Variants in CLIC5 observed in about 807,000 individuals in gnomAD.
CLIC5 encodes the protein chloride intracellular channel protein 5.
Under a neutral mutation model 24.7 loss-of-function variants are expected in CLIC5, and 20 were observed. The ratio of observed to expected loss-of-function variants is 0.81; its 90% CI spans 0.57 to 1.18. CLIC5 has a LOEUF of 1.18. CLIC5 is among the 50% of genes most tolerant of loss of function. The pLI is 0.00. For missense variants in CLIC5, 341 were observed against 326.1 expected (o/e 1.05, Z -0.35); for synonymous variants, 159 against 135.6 (o/e 1.17, Z -1.20).
At chr6:45,931,302 C>T (rs1342908740) in intron 4 of CLIC5, among the ~76,000 whole-genome samples, 5 of 152,166 alleles carry the variant, frequency 3.3e-5, no homozygotes, top group Non-Finnish European at 5.9e-5. Flanking sequence ...CTACCTGTTT[C>T]CAGGCAAGAG....
chr6:45,969,490 C>T (rs1000384496), intron 1 of CLIC5, among the ~76,000 whole-genome samples: 7 of 118,558 alleles, frequency 5.9e-5, no homozygotes, highest in African/African-American at 2.3e-4. Context: ...CAGACTAGGG[C>T]AGTTGAGATC....
intron 6 of CLIC5, among the ~76,000 whole-genome samples, chr6:45,884,512 C>T (rs12214996): frequency 0.36 from 54,312 of 152,032 alleles, 10,263 homozygotes; most frequent in Admixed American, 0.45. Context: ...GGGCAGCCCC[C>T]GCAGCCTCAC....
At chr6:46,053,397 A>G (rs1768158518) in intron 1 of CLIC5, among the ~76,000 whole-genome samples, 1 of 152,252 alleles carries the variant, frequency 6.6e-6, no homozygotes, top group Admixed American at 6.5e-5. Context: ...ATGTTTGAGC[A>G]GAACGGAGTG....
intron 4 of CLIC5, among the ~76,000 whole-genome samples, chr6:45,938,749 A>G (rs754495074): frequency 6.7e-6 from 1 of 150,132 alleles, no homozygotes; most frequent in Non-Finnish European, 1.5e-5. Context: ...ACCATTTATA[A>G]TTTTAAAAAT....
At chr6:46,015,321 C>G (rs928991280) in intron 1 of CLIC5, among the ~76,000 whole-genome samples, 159 bp downstream of exon 1, 3 of 152,218 alleles carry the variant, frequency 2.0e-5, no homozygotes, top group Non-Finnish European at 4.4e-5. Context: ...CGCCCAGGAG[C>G]CTCGCAGCGG....
intron 5 of CLIC5, among the ~76,000 whole-genome samples, chr6:45,904,834 T>A (rs947359936): frequency 2.0e-5 from 3 of 151,296 alleles, no homozygotes; most frequent in Non-Finnish European, 4.4e-5. Context: ...TGATTGGTCC[T>A]GTCACCTAAA....
intron 1 of CLIC5, among the ~76,000 whole-genome samples, chr6:45,994,731 C>T (rs1026689361): frequency 1.2e-4 from 19 of 152,234 alleles, no homozygotes; most frequent in African/African-American, 4.6e-4. Flanking sequence ...GTACAGTGCC[C>T]ACGGACCTAC....
chr6:45,973,067 G>C (rs887409342), intron 1 of CLIC5, among the ~76,000 whole-genome samples: 1 of 152,114 alleles, frequency 6.6e-6, no homozygotes, highest in Admixed American at 6.6e-5. Context: ...CTGGAGCTGA[G>C]GTTAAATTAT....
At chr6:46,005,462 C>A (rs1202409178) in intron 1 of CLIC5, among the ~76,000 whole-genome samples, 2 of 152,152 alleles carry the variant, frequency 1.3e-5, no homozygotes, top group African/African-American at 4.8e-5. Flanking sequence ...GATGCAGGGC[C>A]AAATGCACCA....
intron 1 of CLIC5, among the ~76,000 whole-genome samples, chr6:46,012,770 T>C (rs1262658391): frequency 6.6e-6 from 1 of 152,200 alleles, no homozygotes; most frequent in Non-Finnish European, 1.5e-5. Context: ...TCATTCTTAG[T>C]TCCCTGGGCT....
At chr6:45,955,086 C>A in intron 2 of CLIC5, 49 bp downstream of exon 2, 3 of 1,409,824 alleles carry the variant, frequency 2.1e-6, no homozygotes, top group South Asian at 1.2e-5. Flanking sequence ...ATGGAAGGTT[C>A]TCTGTTCATG....
At chr6:45,914,944 T>G (rs1206200490) in intron 4 of CLIC5, among the ~76,000 whole-genome samples, 2 of 152,010 alleles carry the variant, frequency 1.3e-5, no homozygotes, top group Non-Finnish European at 2.9e-5. Context: ...TGTTTATTTA[T>G]TTTTGAGACA....
intron 5 of CLIC5, chr6:45,911,524 C>G (rs1762818358): frequency 1.2e-6 from 1 of 850,504 alleles, no homozygotes; most frequent in Non-Finnish European, 1.4e-6. Context: ...AGAGAACTGG[C>G]TGGAATTTAT....
At chr6:45,919,243 G>A (rs6935445) in intron 4 of CLIC5, among the ~76,000 whole-genome samples, 11,071 of 152,196 alleles carry the variant, frequency 0.073, 490 homozygotes, top group African/African-American at 0.12. Context: ...GTGGCACTGG[G>A]AATTGGGGAC....
intron 1 of CLIC5, among the ~76,000 whole-genome samples, chr6:45,987,642 C>T (rs1398782731): frequency 6.6e-6 from 1 of 152,146 alleles, no homozygotes; most frequent in Non-Finnish European, 1.5e-5. Context: ...GATCAAGATG[C>T]CGGCTAATTT....
In CLIC5 at chr6:45,951,770, TA is replaced by T. The variant is rs1285838216; in HGVS notation, c.174-2390del. Among the ~76,000 whole-genome samples, 4 of 151,892 alleles carry T rather than the reference TA, an allele frequency of 2.6e-5. No homozygotes were observed. The East Asian group carries it at 7.8e-4, about 29-fold the overall frequency. On this transcript the variant is annotated intron_variant, in intron 2 of 5. Coordinates refer to ENST00000339561, the MANE Select transcript of CLIC5 (RefSeq NM_016929.5). The stretch of plus-strand genomic sequence containing the variant: ...TGGAAAACATTAAACGCAGAAACTG[TA>T]AAAAAAGTAAACAGTGGGAGTAGAG...
At chr6:45,996,175 A>G (rs982748054) in intron 1 of CLIC5, among the ~76,000 whole-genome samples, 2 of 151,624 alleles carry the variant, frequency 1.3e-5, no homozygotes, top group Non-Finnish European at 2.9e-5. Flanking sequence ...TCTTTTTTGC[A>G]AACCACGGAA....
the CLIC5 span, among the ~76,000 whole-genome samples, chr6:46,098,474 G>A: frequency 1.5e-4 from 23 of 152,276 alleles, no homozygotes; most frequent in African/African-American, 5.3e-4. Context: ...TTATAGGCAG[G>A]CTAAGCATGT....
chr6:45,941,442 T>A, intron 4 of CLIC5, 105 bp downstream of exon 4: 6 of 873,718 alleles, frequency 6.9e-6, no homozygotes, highest in Non-Finnish European at 7.8e-6. Flanking sequence ...TGGTTCCAGA[T>A]GCTTCTCTGG....
Sources: gnomAD v4.1 joint callset for allele counts (sites outside exome capture counted in the v4.1 genomes callset) on GRCh38, gnomAD v4.1.1 for gene constraint, MANE v1.5 for transcripts, NCBI Gene and HGNC (gene_info 2026-07-23, HGNC 2026-07-21) for gene names.